Variants in MGAT4C observed in about 807,000 individuals in gnomAD.
MGAT4C encodes the protein MGAT4 family member C, also known as alpha-1,3-mannosyl-glycoprotein 4-beta-N-acetylglucosaminyltransferase C.
A neutral mutation model predicts 40.1 loss-of-function variants in MGAT4C; 19 were observed. The ratio of observed to expected loss-of-function variants is 0.47; its 90% CI spans 0.33 to 0.70. The LOEUF is 0.70. Ranked by LOEUF, MGAT4C falls within the 30% of genes least tolerant of loss-of-function variation. The pLI, the probability that MGAT4C is intolerant of heterozygous loss-of-function variation, is 0.02. For synonymous variants in MGAT4C, 181 were observed against 187.1 expected (o/e 0.97, Z 0.27); for missense variants, 491 against 563.2 (o/e 0.87, Z 1.30).
intron 1 of MGAT4C, among the ~76,000 whole-genome samples, chr12:86,094,834 C>T (rs1873600412): frequency 6.6e-6 from 1 of 152,042 alleles, no homozygotes; most frequent in African/African-American, 2.4e-5. Flanking sequence ...AGCACACTGT[C>T]TCTGAATCCT....
intron 2 of MGAT4C, among the ~76,000 whole-genome samples, chr12:86,725,128 T>C (rs1009978774): frequency 1.3e-5 from 2 of 152,222 alleles, no homozygotes; most frequent in Non-Finnish European, 2.9e-5. Flanking sequence ...TATTATGGAA[T>C]TGCCTAGCAT....
At chr12:86,047,733 T>C (rs953321837) in intron 2 of MGAT4C, among the ~76,000 whole-genome samples, 1 of 152,150 alleles carries the variant, frequency 6.6e-6, no homozygotes, top group African/African-American at 2.4e-5. Context: ...TAAGAACTTA[T>C]CCTTATTAAA....
chr12:86,769,876 G>T (rs750116002), intron 1 of MGAT4C, among the ~76,000 whole-genome samples: 3 of 152,010 alleles, frequency 2.0e-5, no homozygotes, highest in Non-Finnish European at 1.5e-5. Flanking sequence ...GGTGTGGAGT[G>T]GGGGAGGGAT....
At chr12:86,339,350 G>C (rs532630589) in intron 3 of MGAT4C, among the ~76,000 whole-genome samples, 1 of 152,248 alleles carries the variant, frequency 6.6e-6, no homozygotes, top group East Asian at 1.9e-4. Context: ...GTGGGCAATA[G>C]TAGAATAAAC....
chr12:86,231,305 T>A (rs1411241365), intron 1 of MGAT4C, among the ~76,000 whole-genome samples: 2 of 152,204 alleles, frequency 1.3e-5, no homozygotes, highest in Non-Finnish European at 2.9e-5. Context: ...GCAAGATCCA[T>A]TAAAATTATT....
At chr12:86,578,704 A>G (rs1311199184) in intron 2 of MGAT4C, among the ~76,000 whole-genome samples, 2 of 151,728 alleles carry the variant, frequency 1.3e-5, no homozygotes, top group Non-Finnish European at 2.9e-5. Flanking sequence ...TATCAGTTGT[A>G]ATGTTTCCTT....
chr12:86,609,004 AAT>A (rs1363293932), intron 2 of MGAT4C, among the ~76,000 whole-genome samples: 5 of 151,058 alleles, frequency 3.3e-5, no homozygotes, highest in Non-Finnish European at 7.4e-5. Context: ...ATAAAAAAAT[AAT>A]AGAGTAAAAC....
chr12:86,835,839 C>A (rs981821162), intron 1 of MGAT4C, among the ~76,000 whole-genome samples: 1 of 151,642 alleles, frequency 6.6e-6, no homozygotes, highest in East Asian at 1.9e-4. Flanking sequence ...TACATTTACA[C>A]AGCCAAAACC....
chr12:86,072,305 T>A (rs994108621), intron 1 of MGAT4C, among the ~76,000 whole-genome samples: 2 of 152,082 alleles, frequency 1.3e-5, no homozygotes, highest in African/African-American at 4.8e-5. Context: ...AAGAGCTTTT[T>A]TAGAATTTCC....
intron 2 of MGAT4C, among the ~76,000 whole-genome samples, chr12:86,026,595 A>G (rs1440936163): frequency 6.6e-6 from 1 of 152,000 alleles, no homozygotes; most frequent in Non-Finnish European, 1.5e-5. Context: ...CTTTGTGCCT[A>G]ATTTTTTGAT....
At chr12:86,671,755 A>T (rs960542232) in intron 2 of MGAT4C, among the ~76,000 whole-genome samples, 3 of 152,134 alleles carry the variant, frequency 2.0e-5, no homozygotes, top group Admixed American at 6.5e-5. Flanking sequence ...AGGATGTGAC[A>T]ATTGTAAATG....
chr12:86,694,221 C>T (rs984206823), intron 2 of MGAT4C, among the ~76,000 whole-genome samples: 1 of 152,150 alleles, frequency 6.6e-6, no homozygotes, highest in Non-Finnish European at 1.5e-5. Flanking sequence ...GTTACCACCT[C>T]TACATCAATT....
chr12:86,577,486 T>C (rs1236250761), intron 2 of MGAT4C, among the ~76,000 whole-genome samples: 1 of 151,954 alleles, frequency 6.6e-6, no homozygotes, highest in South Asian at 2.1e-4. Flanking sequence ...TTTTCTTCTA[T>C]ATCCAGCTTT....
chr12:86,303,197 T>G (rs1953856728), intron 4 of MGAT4C, among the ~76,000 whole-genome samples: 2 of 150,674 alleles, frequency 1.3e-5, no homozygotes. Flanking sequence ...GAATTTGATA[T>G]AAACTGATAT....
At chr12:86,331,906 A>G in intron 4 of MGAT4C, among the ~76,000 whole-genome samples, 1 of 152,194 alleles carries the variant, frequency 6.6e-6, no homozygotes, top group East Asian at 1.9e-4. Context: ...AAAAAACACA[A>G]AAGGTCTAAT....
At chr12:86,352,259 A>C (rs1955178463) in intron 3 of MGAT4C, among the ~76,000 whole-genome samples, 1 of 152,108 alleles carries the variant, frequency 6.6e-6, no homozygotes, top group South Asian at 2.1e-4. Context: ...TGGCTTAAAC[A>C]TGGCAAGTTA....
At chr12:86,157,590 T>C (rs1193797032) in intron 1 of MGAT4C, among the ~76,000 whole-genome samples, 1 of 152,028 alleles carries the variant, frequency 6.6e-6, no homozygotes, top group Non-Finnish European at 1.5e-5. Flanking sequence ...TACCTGAGAT[T>C]GGGTTATTTA....
At chr12:86,069,659 C>T (rs1316339717) in intron 1 of MGAT4C, among the ~76,000 whole-genome samples, 3 of 152,008 alleles carry the variant, frequency 2.0e-5, no homozygotes, top group Non-Finnish European at 2.9e-5. Context: ...AAATCCATGC[C>T]CAATATATTA....
chr12:86,277,952 A>C (rs1396731251), intron 4 of MGAT4C, among the ~76,000 whole-genome samples: 1 of 152,168 alleles, frequency 6.6e-6, no homozygotes, highest in Non-Finnish European at 1.5e-5. Context: ...GCATTTTAAT[A>C]GAGATTGCAT....
Sources: allele counts gnomAD v4.1 joint callset (sites outside exome capture counted in the v4.1 genomes callset), GRCh38; gene constraint gnomAD v4.1.1; transcripts MANE v1.5; gene names NCBI Gene and HGNC (gene_info 2026-07-23, HGNC 2026-07-21).